KCNIP4: variants seen among roughly 807,000 people sequenced by gnomAD.
The protein encoded by KCNIP4 is potassium voltage-gated channel interacting protein 4.
In KCNIP4, 12 loss-of-function variants were observed where a neutral mutation model predicts 34.0. The observed-to-expected ratio is 0.35, with a 90% CI of 0.23 to 0.57. The LOEUF is 0.57. Ranked by LOEUF, KCNIP4 falls within the 20% of genes least tolerant of loss-of-function variation. KCNIP4 has a pLI of 0.83. For synonymous variants in KCNIP4, 124 were observed against 102.2 expected, an observed-to-expected ratio of 1.21 and a Z score of -1.29; for missense variants, 238 against 311.7, an observed-to-expected ratio of 0.76 and a Z score of 1.78.
At chr4:21,497,629 A>G (rs573144207) in intron 1 of KCNIP4, among the ~76,000 whole-genome samples, 1 of 152,150 alleles carries the variant, frequency 6.6e-6, no homozygotes, top group Admixed American at 6.5e-5. Context: ...TAAGCCTTTC[A>G]TGTTGACAGT....
At chr4:21,571,850 A>G (rs1346188144) in intron 1 of KCNIP4, among the ~76,000 whole-genome samples, 1 of 152,210 alleles carries the variant, frequency 6.6e-6, no homozygotes, top group African/African-American at 2.4e-5. Context: ...AACAATGTTA[A>G]TAACATCTAT....
intron 1 of KCNIP4, among the ~76,000 whole-genome samples, chr4:21,297,522 T>A (rs1763911428): frequency 6.6e-6 from 1 of 152,190 alleles, no homozygotes; most frequent in South Asian, 2.1e-4. Flanking sequence ...TTGAAGTTTA[T>A]CTTCTGAATA....
intron 1 of KCNIP4, among the ~76,000 whole-genome samples, chr4:21,520,373 C>T (rs28368634): frequency 0.05 from 7,608 of 152,122 alleles, 273 homozygotes; most frequent in East Asian, 0.14. Flanking sequence ...AAATGTTTGT[C>T]GTTTAAGCCA....
intron 1 of KCNIP4, among the ~76,000 whole-genome samples, chr4:21,217,223 T>A (rs73249506): frequency 0.061 from 9,224 of 152,300 alleles, 333 homozygotes; most frequent in East Asian, 0.13. Context: ...TGTTAATATT[T>A]ACGAAGTGCT....
chr4:21,399,314 G>A lies in KCNIP4; in HGVS notation c.62-516605C>T, dbSNP rs1231826531. 2.0e-5 allele frequency among the ~76,000 whole-genome samples: 3 copies of A among 152,332 alleles called. No individual in the cohort carries two copies. The East Asian group carries it at 5.8e-4, about 29-fold the overall frequency. On this transcript the variant is annotated intron_variant, in intron 1 of 8. Transcript: ENST00000382152. ...TTTCTTCTGAAGCCACTGGCCAGGA[G>A]GTAGCTGCTCTTCCCCACTGAGACT...
intron 1 of KCNIP4, among the ~76,000 whole-genome samples, chr4:20,997,215 C>A (rs2149713033): frequency 6.6e-6 from 1 of 152,188 alleles, no homozygotes; most frequent in South Asian, 2.1e-4. Flanking sequence ...GCAACCACAA[C>A]CATGAAAGAA....
At chr4:21,417,595 G>C (rs1725071235) in intron 1 of KCNIP4, among the ~76,000 whole-genome samples, 1 of 152,092 alleles carries the variant, frequency 6.6e-6, no homozygotes, top group African/African-American at 2.4e-5. Flanking sequence ...GACTCAATCA[G>C]AGCTGGATCT....
At chr4:21,133,580 C>T (rs961312664) in intron 1 of KCNIP4, among the ~76,000 whole-genome samples, 1 of 152,190 alleles carries the variant, frequency 6.6e-6, no homozygotes, top group African/African-American at 2.4e-5. Flanking sequence ...AATTAATCAA[C>T]CGTCTTCATC....
At chr4:21,567,033 A>G (rs2109043644) in intron 1 of KCNIP4, among the ~76,000 whole-genome samples, 1 of 152,254 alleles carries the variant, frequency 6.6e-6, no homozygotes, top group Non-Finnish European at 1.5e-5. Context: ...GAAAACTGTT[A>G]TTTCCTATTA....
chr4:21,523,379 C>G lies in KCNIP4; in HGVS notation c.61+425192G>C, dbSNP rs553296720. ...ATGCTATATTTAGTATGAGCATGCA[C>G]TGTTAACAGTGACTTGATATGATTT... On this transcript the variant is annotated intron_variant, in intron 1 of 8. Transcript: ENST00000382152. Among the ~76,000 whole-genome samples, 11 of 152,172 alleles carry G rather than the reference C, an allele frequency of 7.2e-5. No homozygotes were observed. The South Asian group carries it at 1.5e-3, about 20-fold the overall frequency.
At chr4:20,824,429 C>G (rs1220462684) in intron 3 of KCNIP4, among the ~76,000 whole-genome samples, 2 of 152,150 alleles carry the variant, frequency 1.3e-5, no homozygotes, top group Non-Finnish European at 2.9e-5. Flanking sequence ...TGCCTGTAAT[C>G]CCAGCACTTT....
chr4:21,633,650 C>T (rs1189455868), intron 1 of KCNIP4, among the ~76,000 whole-genome samples: 1 of 152,084 alleles, frequency 6.6e-6, no homozygotes. Context: ...CAGCATTTAT[C>T]AAACATTTTA....
intron 1 of KCNIP4, among the ~76,000 whole-genome samples, chr4:21,556,920 CAGAA>C (rs1739079479): frequency 8.4e-5 from 3 of 35,662 alleles, no homozygotes; most frequent in South Asian, 1.1e-3. Context: ...GACTCCATCT[CAGAA>C]AAAAAAAAAA....
intron 1 of KCNIP4, among the ~76,000 whole-genome samples, chr4:21,824,219 C>T (rs4697240): frequency 0.98 from 148,891 of 152,260 alleles, 72,888 homozygotes; most frequent in East Asian, 1. Context: ...ACTTGGTTTA[C>T]AGTTTAATTT....
chr4:20,753,971 C>T (rs532110639), intron 4 of KCNIP4, among the ~76,000 whole-genome samples: 63 of 152,242 alleles, frequency 4.1e-4, no homozygotes, highest in African/African-American at 1.4e-3. Flanking sequence ...GTGTAGACAA[C>T]ATAAGTGCAT....
chr4:21,709,642 C>A (rs1713565470), intron 1 of KCNIP4, among the ~76,000 whole-genome samples: 1 of 151,766 alleles, frequency 6.6e-6, no homozygotes, highest in Non-Finnish European at 1.5e-5. Context: ...AAAAACAGGT[C>A]TAAATATTAT....
Position 21,338,643 on chromosome 4 carries a change from C to G in KCNIP4, c.62-455934G>C, listed in dbSNP as rs141259714. ...AAAAAACAAAAATAATAAACAAAAG[C>G]AAAATGAAAGTCATAGCATATAGTA... On this transcript the variant is annotated intron_variant, in intron 1 of 8. Coordinates refer to ENST00000382152, the MANE Select transcript of KCNIP4 (RefSeq NM_025221.6). 3.5e-3 allele frequency among the ~76,000 whole-genome samples: 536 copies of G among 151,168 alleles called. 3 individuals are homozygous for G. Among genetic ancestry groups the G allele is most frequent in the African/African-American group, 0.012 (503 of 41,324 alleles).
chr4:21,083,346 G>T (rs1746164189), intron 1 of KCNIP4, among the ~76,000 whole-genome samples: 1 of 151,336 alleles, frequency 6.6e-6, no homozygotes, highest in South Asian at 2.1e-4. Flanking sequence ...CTAAATCATA[G>T]CCCCTAAAAG....
At chr4:20,959,800 A>G (rs562306159) in intron 1 of KCNIP4, among the ~76,000 whole-genome samples, 7 of 152,332 alleles carry the variant, frequency 4.6e-5, no homozygotes, top group African/African-American at 1.7e-4. Context: ...GAGACCATGT[A>G]TGCTCAAACC....
Sources: allele counts gnomAD v4.1 joint callset (sites outside exome capture counted in the v4.1 genomes callset), GRCh38; gene constraint gnomAD v4.1.1; transcripts MANE v1.5; gene names NCBI Gene and HGNC (gene_info 2026-07-23, HGNC 2026-07-21).